Variants in UGT1A3 observed in about 807,000 individuals in gnomAD.
UGT1A3 encodes UDP-glucuronosyltransferase 1A3.
Under a neutral mutation model 41.0 loss-of-function variants are expected in UGT1A3, and 31 were observed. The ratio of observed to expected loss-of-function variants is 0.76; its 90% CI spans 0.57 to 1.02. The LOEUF (loss-of-function observed/expected upper bound fraction) is 1.02. UGT1A3 is among the 50% of genes least tolerant of loss of function. UGT1A3 has a pLI of 0.00. For missense variants in UGT1A3, 737 were observed against 671.0 expected, an observed-to-expected ratio of 1.10 and a Z score of -1.09; for synonymous variants, 262 against 257.6, an observed-to-expected ratio of 1.02 and a Z score of -0.17.
chr2:233,732,755 GTT>G (rs956485327), intron 1 of UGT1A3, among the ~76,000 whole-genome samples: 5 of 120,192 alleles, frequency 4.2e-5, no homozygotes, highest in Non-Finnish European at 9.1e-5. Context: ...CACCAGCTTT[GTT>G]TTTTTTTTTT....
intron 1 of UGT1A3, among the ~76,000 whole-genome samples, chr2:233,737,542 G>A (rs1380608470): frequency 6.6e-6 from 1 of 152,180 alleles, no homozygotes; most frequent in East Asian, 1.9e-4. Flanking sequence ...CCCTGCTTCG[G>A]CTTGCCCTCA....
chr2:233,744,938 G>A (rs940061009), intron 1 of UGT1A3, among the ~76,000 whole-genome samples: 6 of 151,930 alleles, frequency 3.9e-5, no homozygotes, highest in African/African-American at 1.5e-4. Flanking sequence ...AAATGACACA[G>A]TATTTGTATA....
chr2:233,750,856 G>C (rs28899469), intron 1 of UGT1A3: 5,157 of 151,970 alleles, frequency 0.034, 172 homozygotes, highest in African/African-American at 0.052. Flanking sequence ...TGGATGTCCA[G>C]GCAGAAGTTT....
chr2:233,772,337 C>T lies in UGT1A3; in HGVS notation c.1383C>T (p.Phe461=). The change falls in exon 5 of 5, where the codon TTC becomes TTT. Residue 461 remains phenylalanine (F), a synonymous_variant. Transcript: ENST00000482026. ...RPVEPLDLAV[F]WVEFVMRHKG... is the part of the protein sequence containing the mutation. ...TGGAGCCGCTGGACCTGGCCGTGTTCTGGGTGGAGTTTGTGATGAGGCACA... is the reference window on the plus strand; with the variant it reads ...TGGAGCCGCTGGACCTGGCCGTGTTTTGGGTGGAGTTTGTGATGAGGCACA... 6.2e-7 allele frequency: 1 copy of T among 1,614,256 alleles called. No individual in the cohort carries two copies. The highest frequency in any genetic ancestry group is 8.5e-7 in the Non-Finnish European group (1 of 1,180,042).
At chr2:233,754,997 G>A in intron 1 of UGT1A3, 1 of 1,294,706 alleles carries the variant, frequency 7.7e-7, no homozygotes. Context: ...CACGGAAGCT[G>A]AAGACCTACT....
Position 233,769,854 on chromosome 2 carries a change from T to C in UGT1A3, c.1307+1415T>C. 2.3e-6 allele frequency: 1 copy of C among 426,358 alleles called. No homozygotes were observed. The highest frequency in any genetic ancestry group is 3.7e-6 in the Non-Finnish European group (1 of 266,722). 26.4% of individuals were successfully genotyped at this position (426,358 alleles called of 1,614,324 possible). On this transcript the variant is annotated intron_variant, in intron 4 of 4. Transcript: ENST00000482026. The surrounding 1 kb of genome is among the most constrained non-coding windows in gnomAD (Gnocchi z 4.4). ...ACCTGGGCAACAGAGTGAGACCCTGTCTCAAAAAAAAAAAAAAAAATGAAA... is the reference window on the plus strand; with the variant it reads ...ACCTGGGCAACAGAGTGAGACCCTGCCTCAAAAAAAAAAAAAAAAATGAAA...
chr2:233,757,542 ATATATATATATATATATATG>A (rs1365992052), intron 1 of UGT1A3, among the ~76,000 whole-genome samples: 3 of 116,804 alleles, frequency 2.6e-5, no homozygotes, highest in East Asian at 2.1e-4. Context: ...AGGAATATAT[ATATATATATATATATATATG>A]TATATATGAT....
chr2:233,772,094 C>G (rs995748491), intron 4 of UGT1A3, among the ~76,000 whole-genome samples, 168 bp from the exon 5 acceptor site: 7 of 152,164 alleles, frequency 4.6e-5, no homozygotes, highest in Admixed American at 3.9e-4. Context: ...GCCCGGGCAA[C>G]AGGGCAAGAC....
At chr2:233,747,265 C>T in intron 1 of UGT1A3, 1 of 1,599,630 alleles carries the variant, frequency 6.3e-7, no homozygotes, top group Non-Finnish European at 8.5e-7. Context: ...AGGAGTGCTA[C>T]TCCTTCTCAG....
chr2:233,743,667 C>A, intron 1 of UGT1A3: 1 of 1,367,226 alleles, frequency 7.3e-7, no homozygotes, highest in Non-Finnish European at 9.8e-7. Context: ...AAGGGGTCCT[C>A]GAAGGGCCTG....
intron 1 of UGT1A3, among the ~76,000 whole-genome samples, chr2:233,757,266 G>A (rs1402827144): frequency 1.5e-5 from 2 of 132,588 alleles, no homozygotes; most frequent in African/African-American, 5.6e-5. Context: ...GGTGGCAGCC[G>A]ATGCAATGAT....
Position 233,768,326 on chromosome 2 carries a change from G to A in UGT1A3, c.1194G>A (p.Gln398=), listed in dbSNP as rs1299905562. ...PMVMMPLFGD[Q]MDNAKRMETK... ...TGATGATGCCCTTGTTTGGTGATCAGATGGACAATGCAAAGCGCATGGAGA... is the reference window on the plus strand; with the variant it reads ...TGATGATGCCCTTGTTTGGTGATCAAATGGACAATGCAAAGCGCATGGAGA... The change falls in exon 4 of 5, where the codon CAG becomes CAA. Residue 398 remains glutamine (Q), a synonymous_variant. Transcript: ENST00000482026. 6.2e-7 allele frequency: 1 copy of A among 1,614,204 alleles called. No homozygotes were observed. The highest frequency in any genetic ancestry group is 1.3e-5 in the African/African-American group (1 of 75,056).
At chr2:233,756,429 T>C (rs2125943260) in intron 1 of UGT1A3, 1 of 152,364 alleles carries the variant, frequency 6.6e-6, no homozygotes, top group South Asian at 2.1e-4. Context: ...ACTGTTTTTT[T>C]TTCATTGTTG....
chr2:233,758,687 A>T (rs1165998608), intron 1 of UGT1A3, among the ~76,000 whole-genome samples: 1 of 152,210 alleles, frequency 6.6e-6, no homozygotes, highest in Non-Finnish European at 1.5e-5. Flanking sequence ...CCCATAGGAC[A>T]CCAAAACTCT....
At chr2:233,757,771 A>G (rs925177118) in intron 1 of UGT1A3, among the ~76,000 whole-genome samples, 1 of 151,622 alleles carries the variant, frequency 6.6e-6, no homozygotes, top group Non-Finnish European at 1.5e-5. Context: ...CTTTAGTAAT[A>G]AGCCTGTCAT....
chr2:233,754,803 G>T lies in UGT1A3; in HGVS notation c.868-12231G>T, dbSNP rs550413061. 8.8e-5 allele frequency: 113 copies of T among 1,279,154 alleles called. No homozygotes were observed. In the South Asian group the frequency reaches 1.3e-3, roughly 15 times the overall value. The allele number at this position is 1,279,154 out of a possible 1,614,324, so 79.2% of individuals were successfully genotyped here. On this transcript the variant is annotated intron_variant, in intron 1 of 4. Transcript: ENST00000482026. ...AAAGGAACGAAATCCTGTATCAAAAGAAGAAAAACCACCCTCAAAAGCTGG... is the reference window on the plus strand; with the variant it reads ...AAAGGAACGAAATCCTGTATCAAAATAAGAAAAACCACCCTCAAAAGCTGG...
At chr2:233,760,189 G>T in intron 1 of UGT1A3, 1 of 1,566,266 alleles carries the variant, frequency 6.4e-7, no homozygotes. Context: ...TTATAGTCAC[G>T]TGACACAGTC....
Position 233,729,060 on chromosome 2 carries a change from A to T in UGT1A3, c.-67A>T. 3 of 1,610,660 alleles carry T rather than the reference A, an allele frequency of 1.9e-6. No individual in the cohort carries two copies. The highest frequency in any genetic ancestry group is 2.5e-6 in the Non-Finnish European group (3 of 1,179,050). On this transcript the variant is annotated 5_prime_UTR_variant, in exon 1 of 5. An upstream start codon of the reference 5' UTR is lost. Transcript: ENST00000482026. ...GTGGCTCAGTGACAAGGTAATTAAG[A>T]TGAAGAAAGCAAATGTAGCAGGCAC...
At position 233,768,333 on chromosome 2, in the gene UGT1A3, A is replaced by C. The variant is rs28934877; in HGVS notation, c.1201A>C (p.Asn401His). The change falls in exon 4 of 5, where the codon AAT becomes CAT. Residue 401 changes from asparagine (N) to histidine (H), a missense_variant. By Grantham distance (68) the Asn-to-His change is moderately conservative. Transcript: ENST00000482026. ...GCCCTTGTTTGGTGATCAGATGGAC[A>C]ATGCAAAGCGCATGGAGACTAAGGG... Reference protein sequence around the residue: ...MMPLFGDQMDNAKRMETKGAG... With the variant: ...MMPLFGDQMDHAKRMETKGAG... The C allele has an allele frequency of 3.7e-6, 6 of 1,614,220 alleles. 1 individual carries two copies. In the East Asian group the frequency reaches 1.1e-4, roughly 30 times the overall value.
Sources: gnomAD v4.1 joint callset for allele counts (sites outside exome capture counted in the v4.1 genomes callset) on GRCh38, gnomAD v4.1.1 for gene constraint, Gnocchi (gnomAD v3.1) non-coding constraint, MANE v1.5 for transcripts, NCBI Gene and HGNC (gene_info 2026-07-23, HGNC 2026-07-21) for gene names.